Variants in XYLB observed in about 807,000 individuals in gnomAD.
The protein encoded by XYLB is xylulose kinase.
Under a neutral mutation model 78.7 loss-of-function variants are expected in XYLB, and 62 were observed. That is an observed-to-expected ratio of 0.79 (90% CI 0.64 to 0.97). The LOEUF (loss-of-function observed/expected upper bound fraction) is 0.97. XYLB is among the 50% of genes least tolerant of loss of function. The probability of loss-of-function intolerance (pLI) is 0.00; values close to 1 mark genes in which losing one functional copy is unlikely to be tolerated. For synonymous variants in XYLB, 245 were observed against 247.4 expected, an observed-to-expected ratio of 0.99 and a Z score of 0.09; for missense variants, 687 against 676.8, an observed-to-expected ratio of 1.02 and a Z score of -0.17.
chr3:38,358,990 T>G (rs1448069886), intron 2 of XYLB, among the ~76,000 whole-genome samples: 1 of 152,088 alleles, frequency 6.6e-6, no homozygotes, highest in Non-Finnish European at 1.5e-5. Context: ...TTGTGGAGAC[T>G]CCAACGCACC....
chr3:38,377,045 T>G lies in XYLB; in HGVS notation c.1194+54T>G, dbSNP rs1706896798. On this transcript the variant is annotated intron_variant, in intron 14 of 18. Coordinates refer to ENST00000207870, the MANE Select transcript of XYLB (RefSeq NM_005108.4). Reference sequence around the variant, plus strand: ...ATTGGCTCCATTTGTGAGTGTAAAATTTAACAATTGCCTATCAAATTATGT... The same window carrying G: ...ATTGGCTCCATTTGTGAGTGTAAAAGTTAACAATTGCCTATCAAATTATGT... 4.1e-6 allele frequency: 6 copies of G among 1,452,602 alleles called. No individual in the cohort carries two copies. In the East Asian group the frequency reaches 1.4e-4, roughly 33 times the overall value. 90.0% of individuals were successfully genotyped at this position (1,452,602 alleles called of 1,614,324 possible).
downstream of XYLB, among the ~76,000 whole-genome samples, chr3:38,416,025 C>T (rs1455047739): frequency 3.3e-5 from 5 of 152,104 alleles, no homozygotes; most frequent in Non-Finnish European, 7.4e-5. Context: ...ATCATGAGAA[C>T]AGCTTGGGGG....
At chr3:38,420,032 A>T (rs1708927498) in exon 18 of XYLB, among the ~76,000 whole-genome samples, 1 of 151,902 alleles carries the variant, frequency 6.6e-6, no homozygotes, top group Non-Finnish European at 1.5e-5. Context: ...GTTGGCCAGG[A>T]TGGTCTCAAT....
In XYLB at chr3:38,376,943, C is replaced by T. The variant is rs1706888583; in HGVS notation, c.1146C>T (p.Ile382=). 3.1e-6 allele frequency: 5 copies of T among 1,613,848 alleles called. No homozygotes were observed. In the South Asian group the frequency reaches 5.5e-5, roughly 18 times the overall value. The part of the protein sequence containing the change: ...NLGFYFDVME[I]TPEIIGRHRF... ...GTTTTTATTTTGATGTAATGGAGATCACCCCTGAAATTATTGGACGTCATA... is the reference window on the plus strand; with the variant it reads ...GTTTTTATTTTGATGTAATGGAGATTACCCCTGAAATTATTGGACGTCATA... Residue 382 remains isoleucine (I), a synonymous_variant, in exon 14 of 19, where the codon ATC becomes ATT. Transcript: ENST00000207870.
Position 38,376,924 on chromosome 3 carries a change from A to G in XYLB, c.1127A>G (p.Tyr376Cys), listed in dbSNP as rs1416252055. The change falls in exon 14 of 19, where the codon TAT (tyrosine) becomes TGT (cysteine). Residue 376 changes from tyrosine to cysteine, a missense_variant. Transcript: ENST00000207870. ...CTTCCTGGTTTTATTTCAGGTTTTT[A>G]TTTTGATGTAATGGAGATCACCCCT... ...EMGNGGNLGF[Y>C]FDVMEITPEI... 4 of 1,613,442 alleles carry G rather than the reference A, an allele frequency of 2.5e-6. No homozygotes were observed. Among genetic ancestry groups the G allele is most frequent in the Non-Finnish European group, 2.5e-6 (3 of 1,179,698 alleles).
chr3:38,406,068 G>T (rs1481575579), intron 18 of XYLB, among the ~76,000 whole-genome samples: 5 of 152,232 alleles, frequency 3.3e-5, no homozygotes, highest in African/African-American at 1.2e-4. Context: ...ATCTGAGAAT[G>T]GGCAGACTGC....
rs1357092062 is a variant in XYLB at position 38,366,841 on chromosome 3, C to T, written c.541C>T (p.Gln181Ter). The T allele has an allele frequency of 5.0e-6, 8 of 1,613,412 alleles. No individual in the cohort carries two copies. The highest frequency in any genetic ancestry group is 2.7e-5 in the African/African-American group (2 of 74,900). The change falls in exon 7 of 19, where the codon CAG becomes TAG. Residue 181 changes from glutamine to a stop codon, truncating the protein, a stop_gained. Transcript: ENST00000207870. LOFTEE classifies it high-confidence loss of function. ...FTGNQIAKIY[Q>*]QNPEAYSHTE... Reference sequence around the variant, plus strand: ...AGGGAACCAAATTGCAAAAATTTACCAGCAGAACCCCGAGGCCTACTCACA... The same window carrying T: ...AGGGAACCAAATTGCAAAAATTTACTAGCAGAACCCCGAGGCCTACTCACA...
downstream of XYLB, among the ~76,000 whole-genome samples, chr3:38,424,566 G>A (rs983143708): frequency 2.0e-5 from 3 of 152,138 alleles, no homozygotes; most frequent in African/African-American, 4.8e-5. Context: ...TTACAGATGG[G>A]TCTAGTAATG....
intron 2 of XYLB, chr3:38,355,726 T>C (rs748148396): frequency 1.4e-6 from 1 of 703,570 alleles, no homozygotes; most frequent in South Asian, 1.5e-5. Context: ...CATTTTTGGC[T>C]GATGTGGGTG....
chr3:38,421,354 A>C (rs1247559504), downstream of XYLB: 1 of 152,260 alleles, frequency 6.6e-6, no homozygotes, highest in Admixed American at 6.5e-5. Context: ...AGTACTGTTA[A>C]AGCAATCCTC....
chr3:38,372,723 TG>T lies in XYLB; in HGVS notation c.838del (p.Asp280ThrfsTer9). ...CAGGATGCAAAGTGGTGGCCTTCAC[TG>T]GGGACAACCCAGGTGAGTATCTCGG... ...PPGCKVVAFT[G>X]DNPASLAGMR... On this transcript the variant is annotated frameshift_variant, in exon 10 of 19. Transcript: ENST00000207870. LOFTEE classifies it high-confidence loss of function. The T allele has an allele frequency of 6.2e-7, 1 of 1,614,164 alleles. No individual in the cohort carries two copies. The highest frequency in any genetic ancestry group is 8.5e-7 in the Non-Finnish European group (1 of 1,180,036).
chr3:38,376,269 CAGCAGCTGCCGACTGG>C, intron 13 of XYLB, 37 bp downstream of exon 13: 2 of 1,464,282 alleles, frequency 1.4e-6, no homozygotes, highest in Non-Finnish European at 9.6e-7. Flanking sequence ...TGTGAAGGGT[CAGCAGCTGCCGACTGG>C]AGGGGCAGAG....
chr3:38,355,464 G>A (rs1292238283), intron 2 of XYLB, among the ~76,000 whole-genome samples: 2 of 152,220 alleles, frequency 1.3e-5, no homozygotes, highest in African/African-American at 2.4e-5. Flanking sequence ...ATTACCCAAT[G>A]TAGATAATTA....
chr3:38,366,951 G>T, intron 7 of XYLB, 78 bp downstream of exon 7: 2 of 985,708 alleles, frequency 2.0e-6, no homozygotes, highest in East Asian at 2.4e-5. Flanking sequence ...TACATCTTAC[G>T]TGCAGTGACT....
chr3:38,393,122 A>G (rs112005707), intron 15 of XYLB, among the ~76,000 whole-genome samples: 39 of 151,780 alleles, frequency 2.6e-4, no homozygotes, highest in African/African-American at 9.4e-4. Context: ...CTATATATAC[A>G]TGGGTCTTTC....
intron 14 of XYLB, among the ~76,000 whole-genome samples, chr3:38,377,484 GT>G (rs1165091944): frequency 1.4e-5 from 2 of 143,222 alleles, no homozygotes; most frequent in Non-Finnish European, 3.0e-5. Flanking sequence ...GTCTCACTCT[GT>G]TGCCCAGGCT....
At chr3:38,410,802 A>G (rs1237125185) in intron 18 of XYLB, among the ~76,000 whole-genome samples, 1 of 151,956 alleles carries the variant, frequency 6.6e-6, no homozygotes, top group Admixed American at 6.6e-5. Flanking sequence ...ACTGGCCATC[A>G]GAGAAATGCA....
chr3:38,415,938 A>G (rs540468396), downstream of XYLB, among the ~76,000 whole-genome samples: 1 of 152,296 alleles, frequency 6.6e-6, no homozygotes, highest in Non-Finnish European at 1.5e-5. Context: ...GTGGCAAGAA[A>G]GAGAGAGCAT....
the XYLB span, among the ~76,000 whole-genome samples, chr3:38,445,875 C>T: frequency 2.1e-3 from 314 of 152,240 alleles, 6 homozygotes; most frequent in East Asian, 0.022. Flanking sequence ...GAATAGCTAG[C>T]GAAAGGGGTC....
Sources: allele counts gnomAD v4.1 joint callset (sites outside exome capture counted in the v4.1 genomes callset), GRCh38; gene constraint gnomAD v4.1.1; transcripts MANE v1.5; gene names NCBI Gene and HGNC (gene_info 2026-07-23, HGNC 2026-07-21).